LDLRAP1: variants seen among roughly 807,000 people sequenced by gnomAD.
LDLRAP1 encodes the protein low density lipoprotein receptor adapter protein 1.
Under a neutral mutation model 37.8 loss-of-function variants are expected in LDLRAP1, and 30 were observed. That is an observed-to-expected ratio of 0.79 (90% CI 0.59 to 1.08). LDLRAP1 has a LOEUF of 1.08. Ranked by LOEUF, LDLRAP1 falls within the 50% of genes least tolerant of loss-of-function variation. The probability of loss-of-function intolerance (pLI) is 0.00; values close to 1 mark genes in which losing one functional copy is unlikely to be tolerated. For missense variants in LDLRAP1, 375 were observed against 401.6 expected (o/e 0.93, Z 0.57); for synonymous variants, 156 against 169.8 (o/e 0.92, Z 0.63).
chr1:25,560,341 T>C (rs1015802515), intron 4 of LDLRAP1, among the ~76,000 whole-genome samples: 10 of 151,976 alleles, frequency 6.6e-5, no homozygotes, highest in Admixed American at 3.9e-4. Context: ...CCCATTGAGG[T>C]TGGGGGAGAA....
Position 25,554,935 on chromosome 1 carries a change from C to T in LDLRAP1, c.307C>T (p.Leu103Phe), listed in dbSNP as rs1414235228. Residue 103 changes from leucine to phenylalanine, a missense_variant, in exon 3 of 9, where the codon CTC becomes TTC. Coordinates refer to ENST00000374338, the MANE Select transcript of LDLRAP1 (RefSeq NM_015627.3). This position sits in a 1 kb window ranked among gnomAD's most constrained non-coding sequence, Gnocchi z 5.4. ...ACGGGGAATTATCCTGACAGACAAC[C>T]TCACCAACCAGCTCATTGAGAACGT... ...SPRGIILTDN[L>F]TNQLIENVSI... 2 of 1,614,220 alleles carry T rather than the reference C, an allele frequency of 1.2e-6. No homozygotes were observed. Among genetic ancestry groups the T allele is most frequent in the Non-Finnish European group, 1.7e-6 (2 of 1,180,030 alleles).
the LDLRAP1 span, among the ~76,000 whole-genome samples, chr1:25,587,556 C>T: frequency 3.9e-5 from 6 of 152,314 alleles, no homozygotes; most frequent in South Asian, 1.2e-3. Context: ...CAACCGTTAA[C>T]CTCAAACCTA....
At chr1:25,563,227 T>A in intron 6 of LDLRAP1, 74 bp downstream of exon 6, 1 of 1,264,342 alleles carries the variant, frequency 7.9e-7, no homozygotes, top group Non-Finnish European at 1.1e-6. Context: ...GTCCCACTCC[T>A]GCCTGGGCTG....
Position 25,554,845 on chromosome 1 carries a change from C to T in LDLRAP1, c.232-15C>T. Reference sequence around the variant, plus strand: ...TGAGGCTGGCAGACTCCTCTGACTCCTGTCTGCTCCCAAGGCTAAGGCCAG... The same window carrying T: ...TGAGGCTGGCAGACTCCTCTGACTCTTGTCTGCTCCCAAGGCTAAGGCCAG... On this transcript the variant is annotated splice_polypyrimidine_tract_variant and intron_variant, in intron 2 of 8. Coordinates refer to ENST00000374338, the MANE Select transcript of LDLRAP1 (RefSeq NM_015627.3). This position sits in a 1 kb window ranked among gnomAD's most constrained non-coding sequence, Gnocchi z 5.4. 6.2e-7 allele frequency: 1 copy of T among 1,604,252 alleles called. No homozygotes were observed. The highest frequency in any genetic ancestry group is 8.5e-7 in the Non-Finnish European group (1 of 1,171,504).
intron 4 of LDLRAP1, among the ~76,000 whole-genome samples, chr1:25,561,745 G>A (rs972388087): frequency 6.6e-6 from 1 of 152,218 alleles, no homozygotes; most frequent in African/African-American, 2.4e-5. Context: ...TGCACCTCAG[G>A]TGAATGTAAT....
chr1:25,558,223 C>G (rs1319855647), intron 4 of LDLRAP1, among the ~76,000 whole-genome samples: 2 of 152,160 alleles, frequency 1.3e-5, no homozygotes, highest in Non-Finnish European at 2.9e-5. Context: ...GCATTGACAC[C>G]TGTTAACCTC....
chr1:25,558,149 T>C (rs72873742), intron 4 of LDLRAP1, among the ~76,000 whole-genome samples: 14,002 of 152,122 alleles, frequency 0.092, 2,089 homozygotes, highest in African/African-American at 0.31. Context: ...GCAGCTTTTG[T>C]TTCTGAGACC....
chr1:25,583,626 A>C, the LDLRAP1 span, among the ~76,000 whole-genome samples: 16 of 152,180 alleles, frequency 1.1e-4, no homozygotes, highest in African/African-American at 3.9e-4. Context: ...TTGGTGCTTG[A>C]CATAAATTTG....
the LDLRAP1 span, among the ~76,000 whole-genome samples, chr1:25,576,099 G>GC: frequency 2.0e-5 from 3 of 152,046 alleles, no homozygotes; most frequent in Non-Finnish European, 4.4e-5. Flanking sequence ...GGGCATGGTG[G>GC]CATGTGCCTG....
intron 5 of LDLRAP1, 118 bp downstream of exon 5, chr1:25,562,834 C>A: frequency 1.1e-6 from 1 of 930,172 alleles, no homozygotes; most frequent in Non-Finnish European, 1.7e-6. Context: ...TGACTGTGAG[C>A]AGGTCCCTTC....
rs146258998 is a variant in LDLRAP1 at position 25,543,653 on chromosome 1, G to C, written c.-46G>C. 1,261 of 1,187,850 alleles carry C rather than the reference G, an allele frequency of 1.1e-3. 12 individuals are homozygous for C. The East Asian group carries it at 0.021, about 20-fold the overall frequency. 73.6% of individuals were successfully genotyped at this position (1,187,850 alleles called of 1,614,324 possible). On this transcript the variant is annotated 5_prime_UTR_variant, in exon 1 of 9. Transcript: ENST00000374338. ...CAGGGCCGGGCGGAAAGTTTTTCCT[G>C]ACGGAGTTTTGGCTGCGGCAGCGGC... is the stretch of plus-strand genomic sequence containing the variant.
intron 1 of LDLRAP1, among the ~76,000 whole-genome samples, chr1:25,546,446 A>C (rs1312256754): frequency 1.3e-5 from 2 of 152,152 alleles, no homozygotes; most frequent in Non-Finnish European, 2.9e-5. Context: ...CCTGCAGTGG[A>C]TTCCTGGTTG....
chr1:25,565,031 C>G (rs2044439773), intron 7 of LDLRAP1, 142 bp from the exon 8 acceptor site: 3 of 849,012 alleles, frequency 3.5e-6, no homozygotes, highest in Admixed American at 1.8e-5. Context: ...GGCAGGAGGC[C>G]TGCCTGAGGC....
At position 25,563,135 on chromosome 1, in the gene LDLRAP1, A is replaced by ACC. The variant is rs781585299; in HGVS notation, c.602_603dup (p.Ser202ProfsTer3). ...CGTCCTGGGGGCCCGCCAAGACTGCACCCCCTCCTTGAAGAGCTGTGAGTC... is the reference window on the plus strand; with the variant it reads ...CGTCCTGGGGGCCCGCCAAGACTGCACCCCCCCTCCTTGAAGAGCTGTGAGTC... On this transcript the variant is annotated frameshift_variant, in exon 6 of 9. Coordinates refer to ENST00000374338, the MANE Select transcript of LDLRAP1 (RefSeq NM_015627.3). LOFTEE classifies it high-confidence loss of function. 1 of 1,609,906 alleles carries ACC rather than the reference A, an allele frequency of 6.2e-7. No homozygotes were observed.
rs976645890 is a variant in LDLRAP1 at position 25,555,747 on chromosome 1, A to T, written c.344+775A>T. On this transcript the variant is annotated intron_variant, in intron 3 of 8. Coordinates refer to ENST00000374338, the MANE Select transcript of LDLRAP1 (RefSeq NM_015627.3). This position sits in a 1 kb window ranked among gnomAD's most constrained non-coding sequence, Gnocchi z 4.7. ...GATGTGTGTTGTGGGGGTCTGGCTGATGTCTTCCTCTCACCGGCCTGATCA... is the reference window on the plus strand; with the variant it reads ...GATGTGTGTTGTGGGGGTCTGGCTGTTGTCTTCCTCTCACCGGCCTGATCA... 4.6e-5 allele frequency among the ~76,000 whole-genome samples: 7 copies of T among 152,112 alleles called. No homozygotes were observed. The highest frequency in any genetic ancestry group is 8.8e-5 in the Non-Finnish European group (6 of 68,014).
At chr1:25,580,477 A>G in the LDLRAP1 span, among the ~76,000 whole-genome samples, 1 of 152,228 alleles carries the variant, frequency 6.6e-6, no homozygotes, top group Non-Finnish European at 1.5e-5. Flanking sequence ...ACACTGTGCT[A>G]ACATTTTGGC....
At chr1:25,556,673 G>GT (rs1372954143) in intron 3 of LDLRAP1, among the ~76,000 whole-genome samples, 7 of 152,224 alleles carry the variant, frequency 4.6e-5, no homozygotes, top group Non-Finnish European at 8.8e-5. Flanking sequence ...ACAGCCTTAA[G>GT]AGGCAGCATG....
chr1:25,559,985 G>C (rs1165936551), intron 4 of LDLRAP1, among the ~76,000 whole-genome samples: 1 of 151,636 alleles, frequency 6.6e-6, no homozygotes, highest in Non-Finnish European at 1.5e-5. Context: ...TGAAGTTAGA[G>C]TCAGTGAGAC....
intron 1 of LDLRAP1, 128 bp downstream of exon 1, chr1:25,543,914 G>A: frequency 2.0e-6 from 1 of 504,072 alleles, no homozygotes; most frequent in Non-Finnish European, 2.9e-6. Flanking sequence ...TCCCGGCGTG[G>A]CCCTTTCCCG....
Sources: allele counts gnomAD v4.1 joint callset (sites outside exome capture counted in the v4.1 genomes callset), GRCh38; gene constraint gnomAD v4.1.1; non-coding constraint Gnocchi (gnomAD v3.1); transcripts MANE v1.5; gene names NCBI Gene and HGNC (gene_info 2026-07-23, HGNC 2026-07-21).